CHODL: variants seen among roughly 807,000 people sequenced by gnomAD.
CHODL encodes chondrolectin.
Under a neutral mutation model 34.5 loss-of-function variants are expected in CHODL, and 29 were observed. That is an observed-to-expected ratio of 0.84 (90% confidence interval 0.63 to 1.15). The LOEUF is 1.15. Ranked by LOEUF, CHODL falls within the 50% of genes most tolerant of loss-of-function variation. CHODL has a pLI of 0.00. For synonymous variants in CHODL, 125 were observed against 116.1 expected, an observed-to-expected ratio of 1.08 and a Z score of -0.49; for missense variants, 332 against 332.5, an observed-to-expected ratio of 1.00 and a Z score of 0.01.
At chr21:18,176,335 T>A (rs969292578) in intron 2 of CHODL, among the ~76,000 whole-genome samples, 2 of 152,200 alleles carry the variant, frequency 1.3e-5, no homozygotes, top group Non-Finnish European at 2.9e-5. Context: ...TAGTTATATC[T>A]GTTTCATAAA....
intron 1 of CHODL, among the ~76,000 whole-genome samples, chr21:17,927,176 GTATATATATGTATATGTATGTA>G (rs2063235386): frequency 7.1e-6 from 1 of 140,380 alleles, no homozygotes; most frequent in Non-Finnish European, 1.5e-5. Context: ...ATGTATATAT[GTATATATATGTATATGTATGTA>G]TGTGTGTGTG....
At chr21:18,116,542 T>G (rs2065415320) in intron 2 of CHODL, among the ~76,000 whole-genome samples, 1 of 152,210 alleles carries the variant, frequency 6.6e-6, no homozygotes, top group Admixed American at 6.5e-5. Flanking sequence ...TCCTTTTATT[T>G]TCTTTTTTGT....
chr21:18,252,349 A>G (rs2074267714), intron 1 of CHODL, among the ~76,000 whole-genome samples: 2 of 152,210 alleles, frequency 1.3e-5, no homozygotes, highest in African/African-American at 4.8e-5. Context: ...GTTATCTCAC[A>G]GAATGAGACG....
intron 2 of CHODL, among the ~76,000 whole-genome samples, chr21:18,168,504 A>G (rs1793857459): frequency 6.6e-6 from 1 of 152,170 alleles, no homozygotes; most frequent in African/African-American, 2.4e-5. Context: ...TGGTTTTGAT[A>G]TGCATTTCCC....
intron 1 of CHODL, among the ~76,000 whole-genome samples, chr21:18,023,365 C>T (rs1359342083): frequency 6.6e-5 from 10 of 152,068 alleles, no homozygotes; most frequent in East Asian, 1.9e-4. Flanking sequence ...ATGTTATTTA[C>T]GGGAGCCAGT....
chr21:18,256,376 G>A (rs1346299489), intron 1 of CHODL, 133 bp from the exon 2 acceptor site: 2 of 913,922 alleles, frequency 2.2e-6, no homozygotes, highest in Non-Finnish European at 3.2e-6. Flanking sequence ...TAAACTTTAT[G>A]AAATAATTCA....
chr21:17,935,871 G>A (rs949163375), intron 1 of CHODL, among the ~76,000 whole-genome samples: 2 of 152,158 alleles, frequency 1.3e-5, no homozygotes, highest in Non-Finnish European at 1.5e-5. Context: ...AGAAGAGCAC[G>A]AAGACAGGAG....
At chr21:18,265,237 A>ATATATATGTG (rs1290219424) in intron 5 of CHODL, among the ~76,000 whole-genome samples, 7 of 144,618 alleles carry the variant, frequency 4.8e-5, no homozygotes, top group African/African-American at 1.6e-4. Flanking sequence ...ATATGTGTGT[A>ATATATATGTG]TATATATATG....
At chr21:17,992,456 C>T (rs1324900289) in intron 1 of CHODL, among the ~76,000 whole-genome samples, 1 of 152,158 alleles carries the variant, frequency 6.6e-6, no homozygotes, top group Admixed American at 6.6e-5. Flanking sequence ...GGGTGTCTTT[C>T]CATTTGTTTG....
intron 1 of CHODL, among the ~76,000 whole-genome samples, chr21:17,975,214 G>A (rs551413088): frequency 6.6e-6 from 1 of 152,144 alleles, no homozygotes; most frequent in East Asian, 1.9e-4. Context: ...AACTAACATA[G>A]GAACAGAAAA....
At chr21:18,027,240 C>T (rs549424357) in intron 1 of CHODL, among the ~76,000 whole-genome samples, 10 of 152,076 alleles carry the variant, frequency 6.6e-5, no homozygotes, top group Admixed American at 1.3e-4. Flanking sequence ...TGCCACTGTA[C>T]GCCAGCCTCT....
chr21:18,230,913 G>C (rs1459359749), intron 2 of CHODL, among the ~76,000 whole-genome samples: 1 of 152,020 alleles, frequency 6.6e-6, no homozygotes. Context: ...AAATACAAAT[G>C]CTTTTCTATT....
At chr21:18,205,754 T>TTTTTA (rs2073704666) in intron 2 of CHODL, among the ~76,000 whole-genome samples, 2 of 130,554 alleles carry the variant, frequency 1.5e-5, no homozygotes, top group African/African-American at 2.7e-5. Flanking sequence ...TTTTTTTTTT[T>TTTTTA]GAGATAGAGT....
chr21:18,252,588 A>C (rs2074270914), intron 1 of CHODL, among the ~76,000 whole-genome samples: 1 of 152,178 alleles, frequency 6.6e-6, no homozygotes, highest in South Asian at 2.1e-4. Context: ...CCAAATTTGC[A>C]CGATAAGGTG....
At chr21:17,946,313 G>T (rs961875562) in intron 1 of CHODL, among the ~76,000 whole-genome samples, 3 of 152,154 alleles carry the variant, frequency 2.0e-5, no homozygotes, top group Non-Finnish European at 2.9e-5. Context: ...CAGCTACTCG[G>T]GAGGCTGAGG....
chr21:18,242,662 A>G (rs569533471), upstream of CHODL, among the ~76,000 whole-genome samples: 3 of 152,362 alleles, frequency 2.0e-5, no homozygotes, highest in Admixed American at 6.5e-5. Flanking sequence ...TATTTTCCTG[A>G]TAAGTCAAAC....
intron 1 of CHODL, among the ~76,000 whole-genome samples, chr21:18,026,852 C>A (rs1414614761): frequency 6.6e-6 from 1 of 152,174 alleles, no homozygotes; most frequent in Non-Finnish European, 1.5e-5. Context: ...AAAGGTTAAA[C>A]ACAATCTTTA....
At chr21:18,009,648 G>C (rs2063993078) in intron 1 of CHODL, among the ~76,000 whole-genome samples, 1 of 152,000 alleles carries the variant, frequency 6.6e-6, no homozygotes, top group Non-Finnish European at 1.5e-5. Context: ...CATTTGGTTG[G>C]CAGGCCAAGG....
chr21:18,001,905 T>C (rs2063910685), intron 1 of CHODL, among the ~76,000 whole-genome samples: 2 of 152,010 alleles, frequency 1.3e-5, no homozygotes, highest in South Asian at 2.1e-4. Flanking sequence ...CTGGATATAG[T>C]CTATTTTCCA....
Sources: gnomAD v4.1 joint callset for allele counts (sites outside exome capture counted in the v4.1 genomes callset) on GRCh38, gnomAD v4.1.1 for gene constraint, MANE v1.5 for transcripts, NCBI Gene and HGNC (gene_info 2026-07-23, HGNC 2026-07-21) for gene names.